The following PCDHA5 variants were observed in gnomAD, a reference collection of about 807,000 sequenced individuals.
PCDHA5 encodes the protein protocadherin alpha-5.
Under a neutral mutation model 61.6 loss-of-function variants are expected in PCDHA5, and 43 were observed. The ratio of observed to expected loss-of-function variants is 0.70; its 90% CI spans 0.55 to 0.90. The LOEUF is 0.90. PCDHA5 is among the 40% of genes least tolerant of loss of function. The pLI, the probability that PCDHA5 is intolerant of heterozygous loss-of-function variation, is 0.00. For synonymous variants in PCDHA5, 627 were observed against 543.9 expected (o/e 1.15, Z -2.13); for missense variants, 1,298 against 1,222.7 (o/e 1.06, Z -0.92).
At chr5:140,958,515 A>G (rs1217324801) in intron 1 of PCDHA5, among the ~76,000 whole-genome samples, 1 of 152,150 alleles carries the variant, frequency 6.6e-6, no homozygotes, top group Non-Finnish European at 1.5e-5. Flanking sequence ...TGGCTGTCCA[A>G]TATATACTAT....
chr5:140,863,664 A>ATTTTGC (rs1331349828), intron 1 of PCDHA5: 1 of 285,864 alleles, frequency 3.5e-6, no homozygotes, highest in Non-Finnish European at 6.9e-6. Flanking sequence ...TGCTTTATTT[A>ATTTTGC]TTTTGCTTTT....
intron 1 of PCDHA5, chr5:140,968,057 C>T (rs781959040): frequency 1.5e-5 from 24 of 1,613,992 alleles, no homozygotes; most frequent in East Asian, 6.7e-5. Context: ...GGACCGAGAG[C>T]GGGTGGCTGT....
intron 3 of PCDHA5, among the ~76,000 whole-genome samples, chr5:141,004,974 G>T (rs557503446): frequency 6.6e-6 from 1 of 152,302 alleles, no homozygotes; most frequent in South Asian, 2.1e-4. Context: ...CTGTAAATTT[G>T]CAGTATCATT....
chr5:140,941,231 C>CTT (rs1554214107), intron 1 of PCDHA5, among the ~76,000 whole-genome samples: 1 of 136,770 alleles, frequency 7.3e-6, no homozygotes, highest in African/African-American at 2.8e-5. Context: ...TTCTTTCTTT[C>CTT]TTTCTTTCTT....
chr5:140,876,977 A>C (rs782413550), intron 1 of PCDHA5: 12 of 1,612,554 alleles, frequency 7.4e-6, no homozygotes, highest in Non-Finnish European at 1.0e-5. Context: ...GTGGGCGAGC[A>C]CGCACTGTCG....
Position 140,842,613 on chromosome 5 carries a change from G to T in PCDHA5, c.2352+18486G>T, listed in dbSNP as rs782736515. On this transcript the variant is annotated intron_variant, in intron 1 of 3. Transcript: ENST00000529859. ...TTGGTGGTAACCGCGCGGGACGGGG[G>T]CTCGCCTTCGCTGTGGGCCACCGCC... 3.1e-6 allele frequency: 5 copies of T among 1,595,814 alleles called. 1 individual carries two copies. The highest frequency in any genetic ancestry group is 4.3e-6 in the Non-Finnish European group (5 of 1,165,648).
At chr5:140,949,271 TGAAAA>T (rs1377326965) in intron 1 of PCDHA5, among the ~76,000 whole-genome samples, 5 of 151,804 alleles carry the variant, frequency 3.3e-5, no homozygotes, top group Non-Finnish European at 5.9e-5. Flanking sequence ...CACGTGCACT[TGAAAA>T]GAATGTATAT....
chr5:140,882,094 C>G, intron 1 of PCDHA5: 1 of 1,172,684 alleles, frequency 8.5e-7, no homozygotes. Flanking sequence ...TCACTGAGAA[C>G]GTTTCCGCGA....
intron 1 of PCDHA5, among the ~76,000 whole-genome samples, chr5:140,924,989 C>T (rs782768303): frequency 7.9e-5 from 12 of 151,328 alleles, no homozygotes; most frequent in Admixed American, 1.3e-4. Context: ...GTCTGTAATC[C>T]TAGCACTTTA....
At chr5:140,905,135 T>A (rs2071619691) in intron 1 of PCDHA5, among the ~76,000 whole-genome samples, 1 of 152,208 alleles carries the variant, frequency 6.6e-6, no homozygotes, top group Non-Finnish European at 1.5e-5. Context: ...GAAGAGTTTT[T>A]CTGCTGTTAT....
chr5:140,889,063 A>G (rs1423499022), intron 1 of PCDHA5, among the ~76,000 whole-genome samples: 2 of 151,938 alleles, frequency 1.3e-5, no homozygotes, highest in Non-Finnish European at 2.9e-5. Context: ...CTTTTAATAT[A>G]CTACTTATTT....
At chr5:141,000,410 TATATA>T in intron 3 of PCDHA5, among the ~76,000 whole-genome samples, 1 of 101,974 alleles carries the variant, frequency 9.8e-6, no homozygotes, top group African/African-American at 3.9e-5. Context: ...TATATATATA[TATATA>T]TATATATTTT....
chr5:140,942,157 T>C (rs2093241169), intron 1 of PCDHA5, among the ~76,000 whole-genome samples: 1 of 152,236 alleles, frequency 6.6e-6, no homozygotes, highest in Non-Finnish European at 1.5e-5. Context: ...TAAAACAGCT[T>C]CCATATTTCT....
intron 1 of PCDHA5, chr5:140,884,559 C>A (rs782174598): frequency 6.2e-7 from 1 of 1,614,094 alleles, no homozygotes; most frequent in South Asian, 1.1e-5. Flanking sequence ...GGGGAGGGCC[C>A]GCATAAGACG....
chr5:140,938,926 T>C (rs149516801), intron 1 of PCDHA5, among the ~76,000 whole-genome samples: 9 of 152,172 alleles, frequency 5.9e-5, no homozygotes, highest in Non-Finnish European at 1.2e-4. Context: ...AGAAATTGGC[T>C]TTTAACTTTC....
intron 1 of PCDHA5, chr5:140,930,385 C>T (rs1335168502): frequency 6.6e-6 from 1 of 151,798 alleles, no homozygotes; most frequent in Non-Finnish European, 1.5e-5. Flanking sequence ...CTTGGCATTT[C>T]AAAACTTCTT....
chr5:140,927,027 G>A (rs1554203924), intron 1 of PCDHA5: 3 of 1,612,328 alleles, frequency 1.9e-6, no homozygotes, highest in Non-Finnish European at 1.7e-6. Context: ...ACTTGAGGCT[G>A]CCAGCGGCCG....
At chr5:140,829,647 C>CGGAGA in intron 1 of PCDHA5, 1 of 1,612,324 alleles carries the variant, frequency 6.2e-7, no homozygotes, top group Non-Finnish European at 8.5e-7. Context: ...AAGGTGTACG[C>CGGAGA]GCTGCAGCCG....
At chr5:140,842,126 C>T (rs534570289) in intron 1 of PCDHA5, 2 of 1,613,822 alleles carry the variant, frequency 1.2e-6, no homozygotes, top group Non-Finnish European at 1.7e-6. Flanking sequence ...TGCTTCTGAT[C>T]CGGATGAAGG....
Sources: gnomAD v4.1 joint callset for allele counts (sites outside exome capture counted in the v4.1 genomes callset) on GRCh38, gnomAD v4.1.1 for gene constraint, MANE v1.5 for transcripts, NCBI Gene and HGNC (gene_info 2026-07-23, HGNC 2026-07-21) for gene names.